Variants in CBLB observed in about 807,000 individuals in gnomAD.
CBLB encodes Cbl proto-oncogene B, also known as E3 ubiquitin-protein ligase CBL-B.
CBLB carries 31 observed loss-of-function variants against 104.9 expected under a neutral mutation model. The observed-to-expected ratio is 0.30, with a 90% confidence interval of 0.22 to 0.40. The LOEUF is 0.40. CBLB is among the 10% of genes least tolerant of loss of function. CBLB has a pLI of 1.00. For missense variants in CBLB, 1,062 were observed against 1,214.6 expected (o/e 0.87, Z 1.87); for synonymous variants, 440 against 422.6 (o/e 1.04, Z -0.51).
intron 4 of CBLB, among the ~76,000 whole-genome samples, chr3:105,770,081 TG>T (rs1437519315): frequency 2.6e-5 from 4 of 151,646 alleles, no homozygotes; most frequent in African/African-American, 9.7e-5. Context: ...TGCTAATTTT[TG>T]TTTTTTTTTT....
chr3:105,714,515 G>A (rs7652702), intron 10 of CBLB, among the ~76,000 whole-genome samples: 32,769 of 151,978 alleles, frequency 0.22, 3,665 homozygotes, highest in Admixed American at 0.26. Context: ...CCTAATAAGC[G>A]CACAACCTAG....
At chr3:105,659,617 T>A (rs1203318149) in intron 18 of CBLB, among the ~76,000 whole-genome samples, 1 of 152,202 alleles carries the variant, frequency 6.6e-6, no homozygotes, top group African/African-American at 2.4e-5. Flanking sequence ...CTCTGGTTGA[T>A]GGTTCTCCAG....
intron 4 of CBLB, among the ~76,000 whole-genome samples, chr3:105,760,070 T>C (rs2077471878): frequency 6.6e-6 from 1 of 152,204 alleles, no homozygotes; most frequent in Non-Finnish European, 1.5e-5. Flanking sequence ...CAGGAAATAG[T>C]GTCTTTAGTA....
rs1251915997 is a variant in CBLB at position 105,852,326 on chromosome 3, G to C, written c.419+1088C>G. Among the ~76,000 whole-genome samples, 4 of 152,154 alleles carry C rather than the reference G, an allele frequency of 2.6e-5. No individual in the cohort carries two copies. The South Asian group carries it at 8.3e-4, about 32-fold the overall frequency. On this transcript the variant is annotated intron_variant, in intron 3 of 18. Transcript: ENST00000394030. ...TGTGGAGGTGGAAGACAATAATATT[G>C]ATGATCCTGACACTGTGCAGGCCTA...
intron 16 of CBLB, among the ~76,000 whole-genome samples, chr3:105,679,471 T>C (rs142532740): frequency 2.5e-4 from 38 of 151,248 alleles, no homozygotes; most frequent in African/African-American, 9.2e-4. Context: ...GATTTAAACA[T>C]AATGGCATAT....
intron 3 of CBLB, among the ~76,000 whole-genome samples, chr3:105,817,003 G>A (rs1031956437): frequency 2.0e-5 from 3 of 152,156 alleles, no homozygotes; most frequent in African/African-American, 7.2e-5. Flanking sequence ...TGGAAGAGCT[G>A]GGACAGGAAC....
rs371086931 is a variant in CBLB at position 105,795,809 on chromosome 3, T to C, written c.420-19267A>G. ...CCCAGGCTGGAGTGCAGTGGCGCCA[T>C]CTCGGCTCACTGCAACCTCTGCCTC... is the stretch of plus-strand genomic sequence containing the variant. On this transcript the variant is annotated intron_variant, in intron 3 of 18. Transcript: ENST00000394030. Among the ~76,000 whole-genome samples the C allele has an allele frequency of 3.1e-4, 47 of 152,276 alleles. No homozygotes were observed. In the East Asian group the frequency reaches 8.3e-3, roughly 27 times the overall value.
intron 4 of CBLB, among the ~76,000 whole-genome samples, chr3:105,775,704 T>C (rs2079378132): frequency 1.3e-5 from 2 of 152,368 alleles, no homozygotes; most frequent in African/African-American, 4.8e-5. Flanking sequence ...TTGCAACTTT[T>C]ATATAAATTA....
At chr3:105,811,477 C>A (rs527902828) in intron 3 of CBLB, among the ~76,000 whole-genome samples, 2 of 152,308 alleles carry the variant, frequency 1.3e-5, no homozygotes, top group South Asian at 4.1e-4. Context: ...CTGGCCTACA[C>A]ACACACATAC....
At position 105,682,752 on chromosome 3, in the gene CBLB, C is replaced by G. The variant is rs560306633; in HGVS notation, c.2202-934G>C. On this transcript the variant is annotated intron_variant, in intron 14 of 18. Transcript: ENST00000394030. ...TCCTGGCCGCAAGTGATCTGCCTAC[C>G]TCACCCTCCCAAAGTGCTGGGATAA... Among the ~76,000 whole-genome samples the G allele has an allele frequency of 5.5e-4, 83 of 152,252 alleles. 1 individual carries two copies. Among genetic ancestry groups the G allele is most frequent in the South Asian group, 1.5e-3 (7 of 4,818 alleles).
At chr3:105,719,965 G>A (rs917982091) in intron 10 of CBLB, 82 bp downstream of exon 10, 6 of 1,053,738 alleles carry the variant, frequency 5.7e-6, no homozygotes, top group African/African-American at 3.1e-5. Flanking sequence ...CAAATACGCT[G>A]AGTCATACTC....
chr3:105,687,172 T>C (rs902877645), intron 13 of CBLB, among the ~76,000 whole-genome samples: 2 of 152,264 alleles, frequency 1.3e-5, no homozygotes, highest in East Asian at 3.9e-4. Context: ...ATGAATCCCT[T>C]TCTATGCAAT....
chr3:105,811,543 C>T (rs1258675676), intron 3 of CBLB, among the ~76,000 whole-genome samples: 2 of 152,146 alleles, frequency 1.3e-5, no homozygotes, highest in African/African-American at 2.4e-5. Flanking sequence ...CTGTGGATGA[C>T]AGTAATGTCA....
At chr3:105,723,017 T>G (rs1455901535) in intron 9 of CBLB, among the ~76,000 whole-genome samples, 1 of 152,206 alleles carries the variant, frequency 6.6e-6, no homozygotes, top group African/African-American at 2.4e-5. Flanking sequence ...ACAGCTGCAA[T>G]GACCATTAAT....
intron 2 of CBLB, among the ~76,000 whole-genome samples, chr3:105,864,916 T>A (rs1320214423): frequency 3.9e-5 from 6 of 151,922 alleles, no homozygotes; most frequent in African/African-American, 1.5e-4. Context: ...TGTGTTCATA[T>A]TTATACTTCC....
chr3:105,859,984 A>G (rs989771582), intron 2 of CBLB, among the ~76,000 whole-genome samples: 3 of 152,348 alleles, frequency 2.0e-5, no homozygotes, highest in Admixed American at 6.5e-5. Flanking sequence ...ACAGAAAATT[A>G]CCAAGACCTT....
intron 5 of CBLB, among the ~76,000 whole-genome samples, chr3:105,746,339 G>T (rs1237864692): frequency 1.3e-5 from 2 of 152,170 alleles, no homozygotes; most frequent in Non-Finnish European, 2.9e-5. Context: ...TGTGACCATT[G>T]TAAAACACAA....
intron 12 of CBLB, among the ~76,000 whole-genome samples, chr3:105,694,182 C>T (rs750427848): frequency 6.6e-6 from 1 of 151,864 alleles, no homozygotes; most frequent in Non-Finnish European, 1.5e-5. Context: ...TTTGTGAACA[C>T]ACAAACCACA....
intron 3 of CBLB, among the ~76,000 whole-genome samples, chr3:105,851,277 TC>T (rs2090911437): frequency 6.6e-6 from 1 of 151,982 alleles, no homozygotes; most frequent in Non-Finnish European, 1.5e-5. Flanking sequence ...CAGAAGCCAA[TC>T]TGAAAAAGTT....
Sources: allele counts gnomAD v4.1 joint callset (sites outside exome capture counted in the v4.1 genomes callset), GRCh38; gene constraint gnomAD v4.1.1; transcripts MANE v1.5; gene names NCBI Gene and HGNC (gene_info 2026-07-23, HGNC 2026-07-21).